ACVR1B: variants seen among roughly 807,000 people sequenced by gnomAD.
ACVR1B encodes the protein activin A receptor type 1B.
ACVR1B carries 15 observed loss-of-function variants against 55.6 expected under a neutral mutation model. That is an observed-to-expected ratio of 0.27 (90% CI 0.18 to 0.42). The LOEUF (loss-of-function observed/expected upper bound fraction) is 0.42. Among genes scored for constraint, ACVR1B ranks in the 10% least tolerant of loss-of-function variants. The probability of loss-of-function intolerance (pLI) is 1.00; values close to 1 mark genes in which losing one functional copy is unlikely to be tolerated. For synonymous variants in ACVR1B, 247 were observed against 254.6 expected, an observed-to-expected ratio of 0.97 and a Z score of 0.28; for missense variants, 359 against 670.1, an observed-to-expected ratio of 0.54 and a Z score of 5.13.
intron 1 of ACVR1B, among the ~76,000 whole-genome samples, chr12:51,968,000 T>C (rs1482391953): frequency 2.0e-5 from 3 of 152,114 alleles, no homozygotes; most frequent in Admixed American, 6.5e-5. Flanking sequence ...TTTGGGAGGC[T>C]GAGGCGGGTG....
chr12:51,961,893 C>T (rs1565610730), intron 1 of ACVR1B, among the ~76,000 whole-genome samples: 1 of 152,214 alleles, frequency 6.6e-6, no homozygotes, highest in Non-Finnish European at 1.5e-5. Context: ...CACACTCCCT[C>T]ATAATGAGGC....
intron 1 of ACVR1B, among the ~76,000 whole-genome samples, chr12:51,952,294 A>C (rs1350059941): frequency 1.3e-5 from 2 of 152,004 alleles, no homozygotes; most frequent in African/African-American, 4.8e-5. Flanking sequence ...AGCCTCTCCG[A>C]GGGAACCTGA....
At chr12:51,958,605 G>A (rs897822272) in intron 1 of ACVR1B, among the ~76,000 whole-genome samples, 3 of 149,126 alleles carry the variant, frequency 2.0e-5, no homozygotes, top group Non-Finnish European at 3.0e-5. Flanking sequence ...CCGAGATCAC[G>A]CCACTGCACT....
chr12:51,965,812 A>T (rs1183565820), intron 1 of ACVR1B, among the ~76,000 whole-genome samples: 3 of 152,194 alleles, frequency 2.0e-5, no homozygotes, highest in Non-Finnish European at 4.4e-5. Context: ...TTGGTTAAGA[A>T]CCCATCCTTA....
chr12:51,983,800 CCT>C (rs897905636), intron 4 of ACVR1B, among the ~76,000 whole-genome samples, 197 bp from the exon 5 acceptor site: 1 of 152,166 alleles, frequency 6.6e-6, no homozygotes. Flanking sequence ...ATGGTGTTCC[CCT>C]GTCCTTACTG....
chr12:51,987,151 T>G (rs1942095605), intron 7 of ACVR1B: 1 of 733,270 alleles, frequency 1.4e-6, no homozygotes, highest in Non-Finnish European at 2.5e-6. Flanking sequence ...AATAGCGTTG[T>G]GTGTTATGGT....
At chr12:51,975,561 A>G (rs1394175501) in intron 2 of ACVR1B, 57 bp downstream of exon 2, 3 of 1,574,854 alleles carry the variant, frequency 1.9e-6, no homozygotes, top group African/African-American at 2.7e-5. Context: ...GTACCCCGTC[A>G]TTTCATTTTT....
At chr12:51,987,304 G>A (rs1942099346) in intron 7 of ACVR1B, 1 of 562,714 alleles carries the variant, frequency 1.8e-6, no homozygotes, top group African/African-American at 1.9e-5. Context: ...TAACGCGGTG[G>A]CTCCCAAGCC....
At chr12:51,954,492 TG>T (rs1941372206) in intron 1 of ACVR1B, among the ~76,000 whole-genome samples, 2 of 152,330 alleles carry the variant, frequency 1.3e-5, no homozygotes, top group South Asian at 4.1e-4. Flanking sequence ...AGCCAAGCCT[TG>T]TAATTTTGTT....
intron 1 of ACVR1B, among the ~76,000 whole-genome samples, chr12:51,952,334 G>A (rs1941315676): frequency 6.6e-6 from 1 of 152,152 alleles, no homozygotes; most frequent in African/African-American, 2.4e-5. Context: ...TCAGACTGTA[G>A]GGGAAGGGGT....
chr12:51,981,828 G>A (rs1276815576), intron 4 of ACVR1B, among the ~76,000 whole-genome samples: 6 of 148,796 alleles, frequency 4.0e-5, no homozygotes, highest in South Asian at 4.2e-4. Context: ...CAGCCTGGGC[G>A]ACAGAGCGAG....
chr12:51,975,554 C>T (rs2120603078), intron 2 of ACVR1B, 50 bp downstream of exon 2: 1 of 1,581,364 alleles, frequency 6.3e-7, no homozygotes, highest in Non-Finnish European at 8.6e-7. Context: ...AGATAGGGTA[C>T]CCCGTCATTT....
At chr12:51,956,329 T>A (rs867667956) in intron 1 of ACVR1B, among the ~76,000 whole-genome samples, 5 of 152,374 alleles carry the variant, frequency 3.3e-5, no homozygotes, top group South Asian at 2.1e-4. Flanking sequence ...ACAGTTAACA[T>A]ATAGGAGATT....
At chr12:51,962,169 G>A (rs1160216418) in intron 1 of ACVR1B, among the ~76,000 whole-genome samples, 1 of 152,184 alleles carries the variant, frequency 6.6e-6, no homozygotes, top group East Asian at 1.9e-4. Context: ...ATAGTGTGGA[G>A]CTGGCTTTCC....
chr12:51,977,359 G>A (rs926490227), intron 3 of ACVR1B, among the ~76,000 whole-genome samples: 3 of 152,048 alleles, frequency 2.0e-5, no homozygotes, highest in African/African-American at 7.2e-5. Context: ...GTGCAGTGGC[G>A]CAATTTCCGC....
intron 1 of ACVR1B, chr12:51,953,611 G>A (rs1941354745): frequency 3.2e-5 from 21 of 665,662 alleles, no homozygotes; most frequent in Non-Finnish European, 3.9e-5. Flanking sequence ...AAAAAAAAAG[G>A]GAGATTGAAC....
At position 51,983,857 on chromosome 12, in the gene ACVR1B, G is replaced by A. The variant is rs953918272; in HGVS notation, c.812-142G>A. 1.9e-5 allele frequency: 15 copies of A among 771,770 alleles called. No homozygotes were observed. In the African/African-American group the frequency reaches 2.4e-4, roughly 13 times the overall value. The allele number at this position is 771,770 out of a possible 1,614,324, so 47.8% of individuals were successfully genotyped here. ...CACTATAAATGAAAGGATGCTAGAT[G>A]GGGCTTCAGGGGGCATGGAGGTGGG... On this transcript the variant is annotated intron_variant, in intron 4 of 8. Coordinates refer to ENST00000257963, the MANE Select transcript of ACVR1B (RefSeq NM_004302.5).
At chr12:51,977,557 T>A (rs11169971) in intron 3 of ACVR1B, among the ~76,000 whole-genome samples, 39,383 of 151,500 alleles carry the variant, frequency 0.26, 5,632 homozygotes, top group Admixed American at 0.47. Flanking sequence ...TCGTAAAGAA[T>A]TTTTTTAATG....
At chr12:51,976,774 G>A (rs938022468) in intron 3 of ACVR1B, among the ~76,000 whole-genome samples, 199 bp downstream of exon 3, 10 of 152,184 alleles carry the variant, frequency 6.6e-5, no homozygotes, top group Admixed American at 1.3e-4. Context: ...CTCTCATTCC[G>A]TGGGATTCCC....
Sources: gnomAD v4.1 joint callset for allele counts (sites outside exome capture counted in the v4.1 genomes callset) on GRCh38, gnomAD v4.1.1 for gene constraint, MANE v1.5 for transcripts, NCBI Gene and HGNC (gene_info 2026-07-23, HGNC 2026-07-21) for gene names.